Variants in FMNL2 observed in about 807,000 individuals in gnomAD.
FMNL2 encodes formin like 2, also known as formin-like protein 2.
Under a neutral mutation model 130.2 loss-of-function variants are expected in FMNL2, and 51 were observed. The ratio of observed to expected loss-of-function variants is 0.39; its 90% confidence interval spans 0.31 to 0.49. The LOEUF (loss-of-function observed/expected upper bound fraction) is 0.49, where lower values mean the gene tolerates loss of function less well. FMNL2 is among the 20% of genes least tolerant of loss of function. FMNL2 has a pLI of 0.85. For missense variants in FMNL2, 977 were observed against 1,316.2 expected, an observed-to-expected ratio of 0.74 and a Z score of 3.99; for synonymous variants, 465 against 467.1, an observed-to-expected ratio of 1.00 and a Z score of 0.06.
intron 1 of FMNL2, among the ~76,000 whole-genome samples, chr2:152,521,248 C>T (rs907318304): frequency 1.3e-5 from 2 of 152,096 alleles, no homozygotes; most frequent in Non-Finnish European, 2.9e-5. Context: ...GGAAAAAATC[C>T]ATGACCAGCA....
chr2:152,379,082 C>A (rs544809332), intron 1 of FMNL2, among the ~76,000 whole-genome samples: 1 of 142,598 alleles, frequency 7.0e-6, no homozygotes, highest in African/African-American at 2.6e-5. Flanking sequence ...TTCTAATATT[C>A]TTTGAAAACT....
At chr2:152,422,578 G>A (rs1320059464) in intron 1 of FMNL2, among the ~76,000 whole-genome samples, 1 of 152,164 alleles carries the variant, frequency 6.6e-6, no homozygotes, top group Non-Finnish European at 1.5e-5. Context: ...AAGCTGAAGT[G>A]TAATGACACC....
intron 4 of FMNL2, among the ~76,000 whole-genome samples, chr2:152,550,269 C>T (rs1694863489): frequency 6.6e-6 from 1 of 152,100 alleles, no homozygotes; most frequent in Non-Finnish European, 1.5e-5. Flanking sequence ...TGTAGAAATG[C>T]TATTGTGATT....
intron 7 of FMNL2, among the ~76,000 whole-genome samples, chr2:152,576,003 C>A (rs1696457875): frequency 6.6e-6 from 1 of 152,134 alleles, no homozygotes; most frequent in Non-Finnish European, 1.5e-5. Flanking sequence ...CCTGTAGTAC[C>A]TAGCGTGAAC....
At chr2:152,620,218 G>A (rs997455643) in intron 15 of FMNL2, among the ~76,000 whole-genome samples, 3 of 152,006 alleles carry the variant, frequency 2.0e-5, no homozygotes, top group African/African-American at 7.3e-5. Context: ...CTGAGCATTC[G>A]AGAACATCAG....
chr2:152,614,016 G>A (rs998802396), intron 11 of FMNL2, among the ~76,000 whole-genome samples: 1 of 152,150 alleles, frequency 6.6e-6, no homozygotes, highest in Non-Finnish European at 1.5e-5. Flanking sequence ...AGGGATGTGT[G>A]GAGGTTGGGC....
At chr2:152,567,417 AT>A in intron 6 of FMNL2, among the ~76,000 whole-genome samples, 1 of 152,212 alleles carries the variant, frequency 6.6e-6, no homozygotes, top group African/African-American at 2.4e-5. Context: ...TTCATTAGGA[AT>A]TTTGTTTACT....
At chr2:152,613,192 G>T (rs1347715099) in intron 11 of FMNL2, among the ~76,000 whole-genome samples, 2 of 152,154 alleles carry the variant, frequency 1.3e-5, no homozygotes. Flanking sequence ...GCAGAATATT[G>T]TACAGAAAGA....
At chr2:152,521,786 G>A (rs1693104631) in intron 1 of FMNL2, among the ~76,000 whole-genome samples, 157 bp from the exon 2 acceptor site, 1 of 152,156 alleles carries the variant, frequency 6.6e-6, no homozygotes, top group Non-Finnish European at 1.5e-5. Context: ...TGATGTTTAA[G>A]TGACTTCTGT....
chr2:152,431,943 C>T (rs79436035), intron 1 of FMNL2, among the ~76,000 whole-genome samples: 4 of 106,026 alleles, frequency 3.8e-5, no homozygotes, highest in African/African-American at 1.7e-4. Context: ...CTGGTCTGGG[C>T]AACAGAGTGA....
chr2:152,457,131 G>A (rs919165656), intron 1 of FMNL2, among the ~76,000 whole-genome samples: 3 of 151,566 alleles, frequency 2.0e-5, no homozygotes, highest in Non-Finnish European at 2.9e-5. Context: ...TGGACAAGAA[G>A]TAAAGAAAGT....
intron 1 of FMNL2, among the ~76,000 whole-genome samples, chr2:152,439,286 G>T (rs925017552): frequency 6.6e-6 from 1 of 152,066 alleles, no homozygotes; most frequent in Non-Finnish European, 1.5e-5. Context: ...TTAAAAAACT[G>T]CTAGTTTTAT....
At chr2:152,599,362 T>C (rs996737942) in intron 9 of FMNL2, among the ~76,000 whole-genome samples, 1 of 150,168 alleles carries the variant, frequency 6.7e-6, no homozygotes, top group Admixed American at 6.7e-5. Flanking sequence ...TTATGACCTA[T>C]TGTAAGGAGG....
chr2:152,591,492 T>A (rs555569806), intron 9 of FMNL2, among the ~76,000 whole-genome samples: 44 of 152,282 alleles, frequency 2.9e-4, no homozygotes, highest in African/African-American at 1.0e-3. Flanking sequence ...GTTACAGGGT[T>A]AGGGGAGTTT....
In FMNL2 at chr2:152,384,748, T is replaced by TG. The variant is rs577849853; in HGVS notation, c.117+49033dup. 2.4e-4 allele frequency among the ~76,000 whole-genome samples: 37 copies of TG among 152,294 alleles called. No individual in the cohort carries two copies. The South Asian group carries it at 7.7e-3, about 32-fold the overall frequency. ...AATTTTGGAATGCAAGGGCTTCTGGTGGGGGCCATTATATTTTCAGCTAAG... is the reference window on the plus strand; with the variant it reads ...AATTTTGGAATGCAAGGGCTTCTGGTGGGGGGCCATTATATTTTCAGCTAAG... On this transcript the variant is annotated intron_variant, in intron 1 of 25. Coordinates refer to ENST00000288670, the MANE Select transcript of FMNL2 (RefSeq NM_052905.4).
At chr2:152,558,007 T>G (rs142417107) in intron 4 of FMNL2, among the ~76,000 whole-genome samples, 226 of 152,254 alleles carry the variant, frequency 1.5e-3, no homozygotes, top group African/African-American at 5.1e-3. Context: ...CTGTTTGACC[T>G]CCCATCAGGA....
chr2:152,612,751 G>C lies in FMNL2; in HGVS notation c.1062+1146G>C, dbSNP rs1698752017. On this transcript the variant is annotated intron_variant, in intron 11 of 25. Transcript: ENST00000288670. ...ATGCCTCAGCCTCCTGAATAGCTGG[G>C]ATTACAGGCACTATGCCTGGCTAAT... Among the ~76,000 whole-genome samples the C allele has an allele frequency of 2.0e-5, 3 of 152,156 alleles. No homozygotes were observed. In the South Asian group the frequency reaches 6.2e-4, roughly 32 times the overall value.
intron 1 of FMNL2, among the ~76,000 whole-genome samples, chr2:152,504,318 C>T (rs1692030544): frequency 6.6e-6 from 1 of 150,972 alleles, no homozygotes; most frequent in Non-Finnish European, 1.5e-5. Flanking sequence ...CCAATCTCGG[C>T]TCACTGCAAC....
intron 11 of FMNL2, among the ~76,000 whole-genome samples, chr2:152,613,907 C>T (rs908823113): frequency 6.6e-6 from 1 of 152,100 alleles, no homozygotes; most frequent in African/African-American, 2.4e-5. Context: ...CTAGCTGAGT[C>T]CCTGCAGGAT....
Sources: allele counts gnomAD v4.1 joint callset (sites outside exome capture counted in the v4.1 genomes callset), GRCh38; gene constraint gnomAD v4.1.1; transcripts MANE v1.5; gene names NCBI Gene and HGNC (gene_info 2026-07-23, HGNC 2026-07-21).